Variants in TICAM1 observed in about 807,000 individuals in gnomAD.
TICAM1 encodes the protein TIR domain containing adaptor molecule 1.
For synonymous variants in TICAM1, 439 were observed against 415.4 expected (o/e 1.06, Z -0.69); for missense variants, 895 against 938.2 (o/e 0.95, Z 0.60).
At position 4,816,743 on chromosome 19, in the gene TICAM1, G is replaced by A. The variant is rs1194415261; in HGVS notation, c.1635C>T (p.Asp545=). 1.2e-6 allele frequency: 2 copies of A among 1,613,770 alleles called. No homozygotes were observed. Among genetic ancestry groups the A allele is most frequent in the Non-Finnish European group, 1.7e-6 (2 of 1,179,986 alleles). ...ARKAMWRKEQ[D]TRALREQSQH... is the part of the protein sequence containing the mutation. ...GGCTCTGTTCCCGCAGGGCTCGGGTGTCCTGTTCCTTCCTCCACATGGCCT... is the reference window on the plus strand; with the variant it reads ...GGCTCTGTTCCCGCAGGGCTCGGGTATCCTGTTCCTTCCTCCACATGGCCT... The change falls in exon 2 of 2, where the codon GAC becomes GAT. Residue 545 remains aspartate, a synonymous_variant. Transcript: ENST00000248244. The surrounding 1 kb of genome is among the most constrained non-coding windows in gnomAD (Gnocchi z 4.3).
intron 1 of TICAM1, among the ~76,000 whole-genome samples, chr19:4,823,128 T>G (rs755806938): frequency 6.6e-6 from 1 of 152,144 alleles, no homozygotes; most frequent in Non-Finnish European, 1.5e-5. Context: ...GAGACCAGCC[T>G]GGCCAACATG....
In TICAM1 at chr19:4,818,518, T is replaced by C; in HGVS notation, c.-139-2A>G. 7.0e-7 allele frequency: 1 copy of C among 1,419,484 alleles called. No individual in the cohort carries two copies. Among genetic ancestry groups the C allele is most frequent in the Non-Finnish European group, 9.2e-7 (1 of 1,082,126 alleles). 87.9% of individuals were successfully genotyped at this position (1,419,484 alleles called of 1,614,324 possible). On this transcript the variant is annotated splice_acceptor_variant, in intron 1 of 1. Transcript: ENST00000248244. LOFTEE classifies it low-confidence loss of function (5UTR_SPLICE). The surrounding 1 kb of genome is among the most constrained non-coding windows in gnomAD (Gnocchi z 4.0). ...TCTGCAGGAGCTGCCCAAGCAGATC[T>C]GTAGGAAACAGGAGAAGCAAACACA...
intron 1 of TICAM1, among the ~76,000 whole-genome samples, chr19:4,829,658 C>G (rs2093611076): frequency 6.6e-6 from 1 of 152,068 alleles, no homozygotes; most frequent in African/African-American, 2.4e-5. Flanking sequence ...TTGAAGCTTT[C>G]ATGCGAAAAT....
chr19:4,824,317 A>C (rs371422428), intron 1 of TICAM1, among the ~76,000 whole-genome samples: 2 of 145,694 alleles, frequency 1.4e-5, no homozygotes, highest in African/African-American at 5.1e-5. Context: ...CTTGAATTTT[A>C]ACTTTTATCC....
intron 1 of TICAM1, among the ~76,000 whole-genome samples, chr19:4,830,720 G>A (rs575226092): frequency 1.6e-4 from 24 of 152,310 alleles, no homozygotes; most frequent in Admixed American, 6.5e-4. Flanking sequence ...GCCATGAGCC[G>A]GGGGCTGTGT....
At position 4,817,501 on chromosome 19, in the gene TICAM1, C is replaced by G. The variant is rs1382231970; in HGVS notation, c.877G>C (p.Ala293Pro). 1.9e-6 allele frequency: 3 copies of G among 1,613,934 alleles called. No individual in the cohort carries two copies. The highest frequency in any genetic ancestry group is 1.7e-6 in the Non-Finnish European group (2 of 1,179,948). Residue 293 changes from alanine (A) to proline (P), a missense_variant, in exon 2 of 2, where the codon GCT (alanine) becomes CCT (proline). Ala to Pro is a conservative substitution (Grantham distance 27, BLOSUM62 -1). Transcript: ENST00000248244. The surrounding 1 kb of genome is among the most constrained non-coding windows in gnomAD (Gnocchi z 4.7). Reference sequence around the variant, plus strand: ...GGGTAGTTGGTGCTGGTTTCTGGAGCTGCGGGGGTATCAGGGAGGCCAGTG... The same window carrying G: ...GGGTAGTTGGTGCTGGTTTCTGGAGGTGCGGGGGTATCAGGGAGGCCAGTG... ...TSTGLPDTPA[A>P]PETSTNYPVE... is the part of the protein sequence containing the mutation.
chr19:4,818,171 C>T lies in TICAM1; in HGVS notation c.207G>A (p.Val69=), dbSNP rs1327746443. The change falls in exon 2 of 2, where the codon GTG becomes GTA. Residue 69 remains valine (V), a synonymous_variant. Coordinates refer to ENST00000248244, the MANE Select transcript of TICAM1 (RefSeq NM_182919.4). The surrounding 1 kb of genome is among the most constrained non-coding windows in gnomAD (Gnocchi z 4.0). ...CCCACTGGCGGGCCACCAGCCGGGC[C>T]ACCGCATCGGCCTTCAATGCCTCTA... is the stretch of plus-strand genomic sequence containing the variant. ...ISLEALKADA[V]ARLVARQWAG... is the part of the protein sequence containing the mutation. The T allele has an allele frequency of 6.2e-7, 1 of 1,610,112 alleles. No individual in the cohort carries two copies. Among genetic ancestry groups the T allele is most frequent in the Admixed American group, 1.7e-5 (1 of 59,808 alleles).
intron 1 of TICAM1, among the ~76,000 whole-genome samples, chr19:4,828,873 T>C (rs1261049020): frequency 6.6e-6 from 1 of 152,024 alleles, no homozygotes; most frequent in Non-Finnish European, 1.5e-5. Context: ...CAGGTAATTT[T>C]TGTATTTTTA....
At chr19:4,822,901 C>T (rs1364725060) in intron 1 of TICAM1, among the ~76,000 whole-genome samples, 4 of 152,108 alleles carry the variant, frequency 2.6e-5, no homozygotes, top group Non-Finnish European at 5.9e-5. Context: ...CGTGTCTCTC[C>T]CCAAAATCAT....
At chr19:4,823,737 C>G (rs770044850) in intron 1 of TICAM1, among the ~76,000 whole-genome samples, 7 of 152,110 alleles carry the variant, frequency 4.6e-5, no homozygotes, top group Non-Finnish European at 8.8e-5. Flanking sequence ...CGTCTGCAAG[C>G]TAAGGAGAGT....
rs1489674486 is a variant in TICAM1 at position 4,816,374 on chromosome 19, G to A, written c.2004C>T (p.Pro668=). 7.6e-6 allele frequency: 12 copies of A among 1,589,046 alleles called. No homozygotes were observed. The highest frequency in any genetic ancestry group is 6.7e-5 in the East Asian group (3 of 44,712). ...PQSPAFPTAS[P]APPQSPGLQP... Reference sequence around the variant, plus strand: ...GCAGCCCTGGGCTCTGAGGGGGTGCGGGTGAGGCCGTAGGGAAGGCTGGGG... The same window carrying A: ...GCAGCCCTGGGCTCTGAGGGGGTGCAGGTGAGGCCGTAGGGAAGGCTGGGG... Residue 668 remains proline, a synonymous_variant, in exon 2 of 2, where the codon CCC becomes CCT. Transcript: ENST00000248244. This position sits in a 1 kb window ranked among gnomAD's most constrained non-coding sequence, Gnocchi z 4.3.
At chr19:4,822,261 GAC>G (rs2093598958) in intron 1 of TICAM1, among the ~76,000 whole-genome samples, 2 of 149,392 alleles carry the variant, frequency 1.3e-5, no homozygotes, top group African/African-American at 2.5e-5. Context: ...GTCTTGTTTT[GAC>G]ACAGAGTCTC....
At chr19:4,827,372 CAAAAAAAAA>C (rs57574607) in intron 1 of TICAM1, among the ~76,000 whole-genome samples, 2,046 of 54,080 alleles carry the variant, frequency 0.038, 18 homozygotes, top group Middle Eastern at 0.19. Flanking sequence ...ACTCTGTCTC[CAAAAAAAAA>C]AAAAAAAAAA....
At position 4,817,643 on chromosome 19, in the gene TICAM1, A is replaced by T. The variant is rs1600053874; in HGVS notation, c.735T>A (p.Gly245=). ...QASLVPEPVP[G]GCQEPEEMSW... ...TCATCTCCTCAGGCTCCTGGCAGCC[A>T]CCGGGGACAGGCTCGGGCACCAAGC... The change falls in exon 2 of 2, where the codon GGT becomes GGA. Residue 245 remains glycine, a synonymous_variant. Transcript: ENST00000248244. This position sits in a 1 kb window ranked among gnomAD's most constrained non-coding sequence, Gnocchi z 4.7. 1.3e-6 allele frequency: 2 copies of T among 1,584,542 alleles called. No individual in the cohort carries two copies. Among genetic ancestry groups the T allele is most frequent in the Admixed American group, 3.5e-5 (2 of 57,230 alleles).
intron 1 of TICAM1, among the ~76,000 whole-genome samples, chr19:4,824,834 G>A (rs950003395): frequency 1.3e-5 from 2 of 152,078 alleles, no homozygotes; most frequent in Non-Finnish European, 2.9e-5. Flanking sequence ...TAGGGAGGCT[G>A]AGGTGGGAGA....
chr19:4,816,159 C>A lies in TICAM1; in HGVS notation c.*80G>T, dbSNP rs2093584366. ...CTTCCACTGTCCACAGGGCACAGGG[C>A]AGACCGGGGTGCTCTATGGGGTCCT... On this transcript the variant is annotated 3_prime_UTR_variant, in exon 2 of 2. Transcript: ENST00000248244. The surrounding 1 kb of genome is among the most constrained non-coding windows in gnomAD (Gnocchi z 4.3). The A allele has an allele frequency of 4.9e-6, 7 of 1,436,588 alleles. No individual in the cohort carries two copies. The Admixed American group carries it at 7.8e-5, about 16-fold the overall frequency. 89.0% of individuals were successfully genotyped at this position (1,436,588 alleles called of 1,614,324 possible).
intron 1 of TICAM1, among the ~76,000 whole-genome samples, chr19:4,826,621 G>A (rs987398540): frequency 4.6e-5 from 7 of 152,100 alleles, no homozygotes; most frequent in African/African-American, 4.8e-5. Flanking sequence ...CACTGTTCGC[G>A]GCTGCTTCAT....
intron 1 of TICAM1, among the ~76,000 whole-genome samples, chr19:4,826,870 T>C (rs572909912): frequency 4.6e-5 from 7 of 152,226 alleles, no homozygotes; most frequent in Admixed American, 3.3e-4. Context: ...CTCCAGCTTA[T>C]GTGGACCTGG....
intron 1 of TICAM1, among the ~76,000 whole-genome samples, chr19:4,825,360 G>A (rs2093603969): frequency 6.6e-6 from 1 of 152,030 alleles, no homozygotes; most frequent in Non-Finnish European, 1.5e-5. Context: ...ACCAAACCCT[G>A]TGACATGCCA....
Sources: allele counts gnomAD v4.1 joint callset (sites outside exome capture counted in the v4.1 genomes callset), GRCh38; gene constraint gnomAD v4.1.1; non-coding constraint Gnocchi (gnomAD v3.1); transcripts MANE v1.5; gene names NCBI Gene and HGNC (gene_info 2026-07-23, HGNC 2026-07-21).